Variants in CCSER1 observed in about 807,000 individuals in gnomAD.
CCSER1 encodes the protein serine-rich coiled-coil domain-containing protein 1.
A neutral mutation model predicts 82.0 loss-of-function variants in CCSER1; 41 were observed. The ratio of observed to expected loss-of-function variants is 0.50; its 90% CI spans 0.39 to 0.65. The LOEUF is 0.65. Among genes scored for constraint, CCSER1 ranks in the 30% least tolerant of loss-of-function variants. CCSER1 has a pLI of 0.00. For synonymous variants in CCSER1, 414 were observed against 383.9 expected, an observed-to-expected ratio of 1.08 and a Z score of -0.92; for missense variants, 1,119 against 1,064.2, an observed-to-expected ratio of 1.05 and a Z score of -0.72.
At chr4:91,344,185 AGTTT>A (rs1747902616) in intron 10 of CCSER1, among the ~76,000 whole-genome samples, 1 of 152,100 alleles carries the variant, frequency 6.6e-6, no homozygotes, top group South Asian at 2.1e-4. Context: ...GATCTGAGAG[AGTTT>A]GTTTGCCCCT....
intron 5 of CCSER1, among the ~76,000 whole-genome samples, chr4:90,574,746 A>G (rs570841991): frequency 3.0e-4 from 45 of 151,822 alleles, no homozygotes; most frequent in Non-Finnish European, 5.1e-4. Context: ...ATAAAATAGA[A>G]TATCATAATG....
rs1320586257 is a variant in CCSER1, at chr4:91,059,538, T to C, written c.2173-26412T>C. ...TTTCTTTCTATCATGGTATTCTTTG[T>C]TTTTAAATCAAACCAGTATAACAAA... On this transcript the variant is annotated intron_variant, in intron 9 of 10. Coordinates refer to ENST00000509176, the MANE Select transcript of CCSER1 (RefSeq NM_001145065.2). Among the ~76,000 whole-genome samples, 5 of 151,454 alleles carry C rather than the reference T, an allele frequency of 3.3e-5. No homozygotes were observed. In the Admixed American group the frequency reaches 3.3e-4, roughly 10 times the overall value.
chr4:90,198,815 C>A (rs1737092328), intron 1 of CCSER1, among the ~76,000 whole-genome samples: 1 of 152,042 alleles, frequency 6.6e-6, no homozygotes, highest in South Asian at 2.1e-4. Flanking sequence ...TTTCAGAAAT[C>A]TCTATAAAGC....
At chr4:91,165,337 G>C (rs1237390171) in intron 10 of CCSER1, among the ~76,000 whole-genome samples, 1 of 152,166 alleles carries the variant, frequency 6.6e-6, no homozygotes, top group African/African-American at 2.4e-5. Flanking sequence ...TTGTCCCAGA[G>C]GGGTGCCTGC....
intron 10 of CCSER1, among the ~76,000 whole-genome samples, chr4:91,249,348 C>T (rs529401244): frequency 1.2e-4 from 18 of 152,148 alleles, no homozygotes; most frequent in Admixed American, 6.5e-4. Context: ...AGAAGGGCTA[C>T]GAGAGATGTG....
At chr4:91,210,167 T>C (rs1265081396) in intron 10 of CCSER1, among the ~76,000 whole-genome samples, 2 of 151,638 alleles carry the variant, frequency 1.3e-5, no homozygotes, top group African/African-American at 4.8e-5. Flanking sequence ...ACGGAATACA[T>C]TGTGCACCTA....
chr4:90,850,900 C>A (rs1445629158), intron 8 of CCSER1, among the ~76,000 whole-genome samples: 2 of 152,032 alleles, frequency 1.3e-5, no homozygotes, highest in African/African-American at 2.4e-5. Context: ...GCTTTGTATC[C>A]CCACCCAAAT....
At chr4:91,462,787 G>A (rs1756585710) in intron 10 of CCSER1, among the ~76,000 whole-genome samples, 1 of 152,290 alleles carries the variant, frequency 6.6e-6, no homozygotes, top group African/African-American at 2.4e-5. Flanking sequence ...AGATCGAACT[G>A]CAAGGCAGCA....
At chr4:90,320,414 C>A (rs1197569497) in intron 3 of CCSER1, among the ~76,000 whole-genome samples, 3 of 152,104 alleles carry the variant, frequency 2.0e-5, no homozygotes, top group Non-Finnish European at 4.4e-5. Flanking sequence ...GACACTAAAT[C>A]CTTGATCAGG....
At chr4:91,051,500 T>C (rs1005353020) in intron 9 of CCSER1, among the ~76,000 whole-genome samples, 2 of 152,142 alleles carry the variant, frequency 1.3e-5, no homozygotes, top group East Asian at 3.9e-4. Context: ...ATAACACTCT[T>C]TGACTTTCAA....
At position 91,395,060 on chromosome 4, in the gene CCSER1, T is replaced by C. The variant is rs563978327; in HGVS notation, c.2218-203512T>C. On this transcript the variant is annotated intron_variant, in intron 10 of 10. Transcript: ENST00000509176. ...TGATCTTGTGATTAAGCCAGCATTTTCCCATTTTTGAAAGATGAAACTTTC... is the reference window on the plus strand; with the variant it reads ...TGATCTTGTGATTAAGCCAGCATTTCCCCATTTTTGAAAGATGAAACTTTC... 7.9e-5 allele frequency among the ~76,000 whole-genome samples: 12 copies of C among 152,232 alleles called. No individual in the cohort carries two copies. The South Asian group carries it at 2.5e-3, about 32-fold the overall frequency.
intron 5 of CCSER1, among the ~76,000 whole-genome samples, chr4:90,611,181 G>T (rs923923310): frequency 2.7e-5 from 4 of 146,992 alleles, no homozygotes; most frequent in African/African-American, 5.1e-5. Context: ...TTACAGGCGT[G>T]AGCCACCGCG....
In CCSER1 at chr4:90,816,714, G is replaced by A. The variant is rs373772378; in HGVS notation, c.2094+869G>A. 2.6e-5 allele frequency among the ~76,000 whole-genome samples: 4 copies of A among 151,976 alleles called. No individual in the cohort carries two copies. The South Asian group carries it at 6.2e-4, about 24-fold the overall frequency. ...GATCAAGAAACAAATCCTTCTCAAC[G>A]TATTTTTAATGATTATTTCAGACTC... On this transcript the variant is annotated intron_variant, in intron 8 of 10. Transcript: ENST00000509176.
chr4:90,305,628 A>G (rs1433909130), intron 1 of CCSER1, among the ~76,000 whole-genome samples: 2 of 152,232 alleles, frequency 1.3e-5, no homozygotes, highest in African/African-American at 4.8e-5. Flanking sequence ...TTCTTCAAGC[A>G]AAGCCTTACA....
intron 1 of CCSER1, among the ~76,000 whole-genome samples, chr4:90,277,104 A>C (rs1439294841): frequency 6.6e-6 from 1 of 151,852 alleles, no homozygotes; most frequent in African/African-American, 2.4e-5. Flanking sequence ...GGCTGCTCTC[A>C]CTGTGACTTC....
chr4:91,509,937 G>A (rs908477688), intron 10 of CCSER1, among the ~76,000 whole-genome samples: 7 of 152,038 alleles, frequency 4.6e-5, no homozygotes, highest in South Asian at 2.1e-4. Flanking sequence ...TTTGGGGTAC[G>A]ATTGATCCTG....
At position 91,078,861 on chromosome 4, in the gene CCSER1, C is replaced by T. The variant is rs560973161; in HGVS notation, c.2173-7089C>T. On this transcript the variant is annotated intron_variant, in intron 9 of 10. Transcript: ENST00000509176. ...TGAAGATCAAATGAATGAAATGTAG[C>T]GACAAGAGAAGTTTAGAGAAAAAGT... Among the ~76,000 whole-genome samples the T allele has an allele frequency of 9.5e-4, 145 of 152,120 alleles. 2 individuals are homozygous for T. The highest frequency in any genetic ancestry group is 3.0e-3 in the African/African-American group (125 of 41,512).
chr4:91,520,859 C>T (rs1170206356), intron 10 of CCSER1, among the ~76,000 whole-genome samples: 1 of 151,998 alleles, frequency 6.6e-6, no homozygotes, highest in Non-Finnish European at 1.5e-5. Context: ...TTGGAAAATA[C>T]TGCTCTAAGT....
At chr4:90,586,430 C>T (rs1200116730) in intron 5 of CCSER1, among the ~76,000 whole-genome samples, 1 of 152,044 alleles carries the variant, frequency 6.6e-6, no homozygotes, top group Non-Finnish European at 1.5e-5. Flanking sequence ...AAACATGACC[C>T]TCATAAATAT....
Sources: gnomAD v4.1 joint callset for allele counts (sites outside exome capture counted in the v4.1 genomes callset) on GRCh38, gnomAD v4.1.1 for gene constraint, MANE v1.5 for transcripts, NCBI Gene and HGNC (gene_info 2026-07-23, HGNC 2026-07-21) for gene names.